The following UNC13D variants were observed in gnomAD, a reference collection of about 807,000 sequenced individuals.
UNC13D encodes the protein unc-13 homolog D.
In UNC13D, 115 loss-of-function variants were observed where a neutral mutation model predicts 151.7. That is an observed-to-expected ratio of 0.76 (90% confidence interval 0.65 to 0.88). The LOEUF (loss-of-function observed/expected upper bound fraction) is 0.88. Among genes scored for constraint, UNC13D ranks in the 40% least tolerant of loss-of-function variants. The pLI is 0.00. For missense variants in UNC13D, 1,369 were observed against 1,438.7 expected, an observed-to-expected ratio of 0.95 and a Z score of 0.78; for synonymous variants, 588 against 612.2, an observed-to-expected ratio of 0.96 and a Z score of 0.58.
chr17:75,841,549 C>G (rs2064949810), intron 6 of UNC13D, among the ~76,000 whole-genome samples: 1 of 147,368 alleles, frequency 6.8e-6, no homozygotes, highest in African/African-American at 2.5e-5. Flanking sequence ...TCAAGTGATT[C>G]TCCTGCCTCA....
In UNC13D at chr17:75,840,081, C is replaced by T. The variant is rs7223416; in HGVS notation, c.888G>A (p.Pro296=). The T allele has an allele frequency of 1.1e-5, 17 of 1,612,668 alleles. No homozygotes were observed. Among genetic ancestry groups the T allele is most frequent in the South Asian group, 3.3e-5 (3 of 91,038 alleles). The change falls in exon 11 of 32, where the codon CCG becomes CCA. Residue 296 remains proline (P), a synonymous_variant. Coordinates refer to ENST00000207549, the MANE Select transcript of UNC13D (RefSeq NM_199242.3). The surrounding 1 kb of genome is among the most constrained non-coding windows in gnomAD (Gnocchi z 4.6). ...RRATSASRSQ[P]SYTVHLHLLQ... ...GGAGGTGGAGGTGCACGGTGTAGCT[C>T]GGCTGCGAGCGGCTGGCCGAAGTGG... is the stretch of plus-strand genomic sequence containing the variant.
At chr17:75,843,663 C>T in intron 1 of UNC13D, 144 bp from the exon 2 acceptor site, 1 of 1,493,534 alleles carries the variant, frequency 6.7e-7, no homozygotes, top group Non-Finnish European at 8.9e-7. Context: ...TGCCCCGCAC[C>T]TGTTCCCCCA....
In UNC13D at chr17:75,835,859, C is replaced by CACTG; in HGVS notation, c.1588_1591dup (p.Trp531SerfsTer17). 1.2e-6 allele frequency: 2 copies of CACTG among 1,614,178 alleles called. No individual in the cohort carries two copies. The highest frequency in any genetic ancestry group is 2.2e-5 in the South Asian group (2 of 91,090). ...AGAGACGGGGGAGGGACTCACCAGC[C>CACTG]ACTGCAGCTCCCGGAAAGCCATGGA... On this transcript the variant is annotated frameshift_variant, in exon 18 of 32. Transcript: ENST00000207549. LOFTEE classifies it high-confidence loss of function.
chr17:75,842,709 G>A lies in UNC13D; in HGVS notation c.389-96C>T, dbSNP rs1009279765. ...CCGCCCGGGGCTGAGCCTCCTCCGGGGGAGAGGGAAGGGGACCAGCAGCAT... is the reference window on the plus strand; with the variant it reads ...CCGCCCGGGGCTGAGCCTCCTCCGGAGGAGAGGGAAGGGGACCAGCAGCAT... On this transcript the variant is annotated intron_variant, in intron 5 of 31. Coordinates refer to ENST00000207549, the MANE Select transcript of UNC13D (RefSeq NM_199242.3). The A allele has an allele frequency of 3.7e-6, 6 of 1,602,218 alleles. No individual in the cohort carries two copies. The African/African-American group carries it at 5.4e-5, about 14-fold the overall frequency.
At chr17:75,835,371 A>C (rs766264937) in intron 20 of UNC13D, 38 bp downstream of exon 20, 1 of 1,604,212 alleles carries the variant, frequency 6.2e-7, no homozygotes, top group African/African-American at 1.3e-5. Context: ...CTCACCCCCA[A>C]ACCGGGGCCC....
chr17:75,835,039 T>A lies in UNC13D; in HGVS notation c.1873A>T (p.Lys625Ter). ...AGATCCACCGCTGATGTGCTGTGCT[T>A]GGTCAGTTCACCCAGGGGCACCAGC... ...DELVPLGELT[K>*]HSTSAVDLST... Residue 625 changes from lysine (K) to a stop codon, truncating the protein, a stop_gained, in exon 21 of 32, where the codon AAG becomes TAG. Transcript: ENST00000207549. LOFTEE classifies it high-confidence loss of function. 1 of 1,613,962 alleles carries A rather than the reference T, an allele frequency of 6.2e-7. No homozygotes were observed. Among genetic ancestry groups the A allele is most frequent in the Non-Finnish European group, 8.5e-7 (1 of 1,180,018 alleles).
rs1044059551 is a variant in UNC13D at position 75,827,882 on chromosome 17, A to C, written c.*83T>G. 2.5e-6 allele frequency: 4 copies of C among 1,569,410 alleles called. No individual in the cohort carries two copies. In the African/African-American group the frequency reaches 5.4e-5, roughly 21 times the overall value. On this transcript the variant is annotated 3_prime_UTR_variant, in exon 32 of 32. Transcript: ENST00000207549. ...TGTTAGGCCAGGCTGGAGGGCCGCGATGTGGCGGGGAAGCCCCAGACCCTA... is the reference window on the plus strand; with the variant it reads ...TGTTAGGCCAGGCTGGAGGGCCGCGCTGTGGCGGGGAAGCCCCAGACCCTA...
intron 29 of UNC13D, 50 bp from the exon 30 acceptor site, chr17:75,830,201 C>A: frequency 6.4e-7 from 1 of 1,568,926 alleles, no homozygotes. Context: ...CCCAGGCACC[C>A]CACCCCAGCA....
chr17:75,839,972 A>T, intron 11 of UNC13D, 30 bp from the exon 12 acceptor site: 2 of 1,613,540 alleles, frequency 1.2e-6, no homozygotes, highest in Non-Finnish European at 1.7e-6. Flanking sequence ...GAGTGTCAGG[A>T]CCTGAAGGGC....
intron 30 of UNC13D, 44 bp downstream of exon 30, chr17:75,829,984 G>T: frequency 6.4e-7 from 1 of 1,562,090 alleles, no homozygotes; most frequent in East Asian, 2.4e-5. Flanking sequence ...GCCCAGTGGG[G>T]AGAGATGAGG....
Position 75,840,171 on chromosome 17 carries a change from C to A in UNC13D, c.858+54G>T, listed in dbSNP as rs769865092. ...CACTGGGTGCAGCCAGCCCCGCAAC[C>A]CAGCAGACCGCCGCAAGAGCTGGGC... On this transcript the variant is annotated intron_variant, in intron 10 of 31. Coordinates refer to ENST00000207549, the MANE Select transcript of UNC13D (RefSeq NM_199242.3). This position sits in a 1 kb window ranked among gnomAD's most constrained non-coding sequence, Gnocchi z 4.6. 6 of 1,612,278 alleles carry A rather than the reference C, an allele frequency of 3.7e-6. No individual in the cohort carries two copies. Among genetic ancestry groups the A allele is most frequent in the African/African-American group, 1.3e-5 (1 of 74,906 alleles).
rs1404928124 is a variant in UNC13D, at chr17:75,835,533, G to T, written c.1728-4C>A. 1 of 1,601,944 alleles carries T rather than the reference G, an allele frequency of 6.2e-7. No individual in the cohort carries two copies. Among genetic ancestry groups the T allele is most frequent in the South Asian group, 1.1e-5 (1 of 89,930 alleles). ...ATCCAGGGCCAGGACTCCATCCCTG[G>T]GGATTGCCGGGGCTCAGCGTCGGGA... is the stretch of plus-strand genomic sequence containing the variant. On this transcript the variant is annotated splice_region_variant and splice_polypyrimidine_tract_variant and intron_variant, in intron 19 of 31. Transcript: ENST00000207549.
chr17:75,844,157 C>G, intron 1 of UNC13D, 64 bp downstream of exon 1: 1 of 1,584,440 alleles, frequency 6.3e-7, no homozygotes, highest in Non-Finnish European at 8.6e-7. Context: ...GACAGCAGGG[C>G]ACCCGTACCC....
chr17:75,833,173 T>C lies in UNC13D; in HGVS notation c.2368-128A>G. The C allele has an allele frequency of 1.1e-6, 1 of 906,358 alleles. No individual in the cohort carries two copies. Among genetic ancestry groups the C allele is most frequent in the Non-Finnish European group, 1.7e-6 (1 of 580,148 alleles). 56.1% of individuals were successfully genotyped at this position (906,358 alleles called of 1,614,324 possible). ...CTGTGAGAGCAGTTTGTAGTGTCTG[T>C]AAGAGGCCGGCCTGCCCACCTCTCT... On this transcript the variant is annotated intron_variant, in intron 24 of 31. Coordinates refer to ENST00000207549, the MANE Select transcript of UNC13D (RefSeq NM_199242.3). This position sits in a 1 kb window ranked among gnomAD's most constrained non-coding sequence, Gnocchi z 4.0.
In UNC13D at chr17:75,840,408, C is replaced by T. The variant is rs187209970; in HGVS notation, c.754-79G>A. 2.9e-3 allele frequency: 4,595 copies of T among 1,607,540 alleles called. 7 individuals are homozygous for T. Among genetic ancestry groups the T allele is most frequent in the Middle Eastern group, 4.1e-3 (24 of 5,796 alleles). ...CAGCGGAGGCGACAGGAGGTGGACCCCAGGCTCAGCTTTGTGAGGACACAG... is the reference window on the plus strand; with the variant it reads ...CAGCGGAGGCGACAGGAGGTGGACCTCAGGCTCAGCTTTGTGAGGACACAG... On this transcript the variant is annotated intron_variant, in intron 9 of 31. Coordinates refer to ENST00000207549, the MANE Select transcript of UNC13D (RefSeq NM_199242.3). This position sits in a 1 kb window ranked among gnomAD's most constrained non-coding sequence, Gnocchi z 4.6.
intron 5 of UNC13D, 89 bp downstream of exon 5, chr17:75,842,768 G>T: frequency 6.3e-7 from 1 of 1,596,354 alleles, no homozygotes; most frequent in Non-Finnish European, 8.6e-7. Flanking sequence ...CTTGGAAGTG[G>T]GTGCTCCCGC....
rs1319577152 is a variant in UNC13D, at chr17:75,833,838, G to C, written c.2367+237C>G. Among the ~76,000 whole-genome samples the C allele has an allele frequency of 3.3e-5, 5 of 152,178 alleles. No homozygotes were observed. Among genetic ancestry groups the C allele is most frequent in the Non-Finnish European group, 7.4e-5 (5 of 68,026 alleles). On this transcript the variant is annotated intron_variant, in intron 24 of 31. Transcript: ENST00000207549. The surrounding 1 kb of genome is among the most constrained non-coding windows in gnomAD (Gnocchi z 4.0). Reference sequence around the variant, plus strand: ...GAAGGATGTGCACCCTGGCCTGTTTGGCTGCAAAGTCTAAGCCGTCCCCAA... The same window carrying C: ...GAAGGATGTGCACCCTGGCCTGTTTCGCTGCAAAGTCTAAGCCGTCCCCAA...
intron 12 of UNC13D, 28 bp from the exon 13 acceptor site, chr17:75,836,946 G>A (rs1386616161): frequency 3.7e-6 from 6 of 1,607,764 alleles, no homozygotes; most frequent in South Asian, 1.1e-5. Context: ...CCCTCAGCTG[G>A]ACAGGGAGGA....
intron 14 of UNC13D, 40 bp from the exon 15 acceptor site, chr17:75,836,469 C>T: frequency 6.2e-7 from 1 of 1,612,102 alleles, no homozygotes; most frequent in Non-Finnish European, 8.5e-7. Flanking sequence ...TGCCTGCTGC[C>T]CCACACTGCA....
Sources: gnomAD v4.1 joint callset for allele counts (sites outside exome capture counted in the v4.1 genomes callset) on GRCh38, gnomAD v4.1.1 for gene constraint, Gnocchi (gnomAD v3.1) non-coding constraint, MANE v1.5 for transcripts, NCBI Gene and HGNC (gene_info 2026-07-23, HGNC 2026-07-21) for gene names.